SARDH: variants seen among roughly 807,000 people sequenced by gnomAD.
SARDH encodes sarcosine dehydrogenase.
Under a neutral mutation model 109.1 loss-of-function variants are expected in SARDH, and 95 were observed. The ratio of observed to expected loss-of-function variants is 0.87; its 90% confidence interval spans 0.74 to 1.03. SARDH has a LOEUF of 1.03. SARDH is among the 50% of genes least tolerant of loss of function. The pLI, the probability that SARDH is intolerant of heterozygous loss-of-function variation, is 0.00. For synonymous variants in SARDH, 572 were observed against 534.8 expected (o/e 1.07, Z -0.96); for missense variants, 1,267 against 1,287.8 (o/e 0.98, Z 0.25).
downstream of SARDH, chr9:133,659,470 G>A (rs1832382914): frequency 6.6e-6 from 1 of 152,308 alleles, no homozygotes; most frequent in Admixed American, 6.5e-5. Flanking sequence ...TGGCCTGGGT[G>A]GGTCTCCCCT....
Position 133,671,620 on chromosome 9 carries a change from C to A in SARDH, c.2241G>T (p.Val747=). 6.2e-7 allele frequency: 1 copy of A among 1,602,180 alleles called. No homozygotes were observed. The highest frequency in any genetic ancestry group is 1.1e-5 in the South Asian group (1 of 89,078). The change falls in exon 18 of 21, where the codon GTG becomes GTT. Residue 747 remains valine (V), a synonymous_variant. Coordinates refer to ENST00000439388, the MANE Select transcript of SARDH (RefSeq NM_001134707.2). ...LHIPKASCVP[V]YRAVMAAGAK... ...CACCCGCGGCCATCACAGCCCGGTA[C>A]ACAGGCACGCAGGACGCCTTTGGAA...
chr9:133,729,901 C>T (rs1832616088), intron 5 of SARDH, 36 bp from the exon 6 acceptor site: 5 of 1,606,616 alleles, frequency 3.1e-6, no homozygotes, highest in African/African-American at 1.3e-5. Flanking sequence ...GCTCTGCTGA[C>T]ACCTGGTGGG....
Position 133,704,028 on chromosome 9 carries a change from G to A in SARDH, c.1554+920C>T, listed in dbSNP as rs563366441. On this transcript the variant is annotated intron_variant, in intron 12 of 20. Transcript: ENST00000439388. The surrounding 1 kb of genome is among the most constrained non-coding windows in gnomAD (Gnocchi z 4.5). ...GGGCTTCCAGGGCCAGATCTGACTGGAACACAGTGGGTTGCACTTCAAGAC... is the reference window on the plus strand; with the variant it reads ...GGGCTTCCAGGGCCAGATCTGACTGAAACACAGTGGGTTGCACTTCAAGAC... 6.6e-6 allele frequency among the ~76,000 whole-genome samples: 1 copy of A among 152,230 alleles called. No individual in the cohort carries two copies. The highest frequency in any genetic ancestry group is 1.5e-5 in the Non-Finnish European group (1 of 67,996).
chr9:133,664,049 G>A, intron 20 of SARDH, 35 bp from the exon 21 acceptor site: 1 of 1,612,038 alleles, frequency 6.2e-7, no homozygotes, highest in Non-Finnish European at 8.5e-7. Flanking sequence ...ATCACTCTCT[G>A]TTGGTAGGTA....
At chr9:133,713,272 T>G in intron 8 of SARDH, 148 bp from the exon 9 acceptor site, 2 of 644,180 alleles carry the variant, frequency 3.1e-6, no homozygotes, top group Non-Finnish European at 2.7e-6. Context: ...TCAGCGCCAC[T>G]TCCTCATGGG....
At chr9:133,725,769 C>G (rs928451904) in intron 6 of SARDH, 5 of 229,040 alleles carry the variant, frequency 2.2e-5, no homozygotes, top group South Asian at 1.5e-4. Flanking sequence ...AATAAACAAG[C>G]CAAACCAAAC....
chr9:133,712,526 G>T lies in SARDH; in HGVS notation c.1328+93C>A. Reference sequence around the variant, plus strand: ...CTTCCAGGAAGCCACCTGGATTTCAGGCAAGGCTCCTTTCTCAGTAGCCCT... The same window carrying T: ...CTTCCAGGAAGCCACCTGGATTTCATGCAAGGCTCCTTTCTCAGTAGCCCT... On this transcript the variant is annotated intron_variant, in intron 10 of 20. Coordinates refer to ENST00000439388, the MANE Select transcript of SARDH (RefSeq NM_001134707.2). The surrounding 1 kb of genome is among the most constrained non-coding windows in gnomAD (Gnocchi z 4.1). The T allele has an allele frequency of 2.6e-6, 3 of 1,174,994 alleles. No individual in the cohort carries two copies. The highest frequency in any genetic ancestry group is 3.7e-6 in the Non-Finnish European group (3 of 811,472). 72.8% of individuals were successfully genotyped at this position (1,174,994 alleles called of 1,614,324 possible). A position where few individuals can be genotyped will look rare whatever the true frequency, so the allele number is the denominator to read the frequency against.
intron 1 of SARDH, among the ~76,000 whole-genome samples, chr9:133,736,062 C>A (rs866670576): frequency 6.6e-6 from 1 of 150,884 alleles, no homozygotes; most frequent in East Asian, 2.0e-4. Context: ...AAAAAAGATG[C>A]GAAAGAGACA....
At chr9:133,694,509 G>C (rs1368292520) in intron 14 of SARDH, 138 bp from the exon 15 acceptor site, 8 of 744,750 alleles carry the variant, frequency 1.1e-5, no homozygotes, top group Non-Finnish European at 9.2e-6. Context: ...TGCCCTACTG[G>C]GAGGTGACCT....
In SARDH at chr9:133,712,831, G is replaced by T; in HGVS notation, c.1238-122C>A. 9.9e-7 allele frequency: 1 copy of T among 1,006,300 alleles called. No homozygotes were observed. 62.3% of individuals were successfully genotyped at this position (1,006,300 alleles called of 1,614,324 possible). ...TCCAAGCTCTGCTCTCACACCTGGG[G>T]TGCTGCACGCCTCCTGATTGGACTG... On this transcript the variant is annotated intron_variant, in intron 9 of 20. Transcript: ENST00000439388. The surrounding 1 kb of genome is among the most constrained non-coding windows in gnomAD (Gnocchi z 4.1).
intron 1 of SARDH, among the ~76,000 whole-genome samples, chr9:133,734,511 C>T (rs1268603038): frequency 6.6e-6 from 1 of 152,188 alleles, no homozygotes; most frequent in African/African-American, 2.4e-5. Context: ...GCCTGGTATG[C>T]AGCAGGCTCT....
At chr9:133,669,318 ACCCTCCCTCTCCCTCG>A (rs1169295408) in intron 19 of SARDH, among the ~76,000 whole-genome samples, 2 of 45,182 alleles carry the variant, frequency 4.4e-5, no homozygotes, top group Non-Finnish European at 8.4e-5. Flanking sequence ...ATCCTCCCTC[ACCCTCCCTCTCCCTCG>A]TCCTCCCTCT....
At chr9:133,735,604 G>T (rs548598060) in intron 1 of SARDH, among the ~76,000 whole-genome samples, 10 of 152,218 alleles carry the variant, frequency 6.6e-5, no homozygotes, top group Non-Finnish European at 1.3e-4. Context: ...AACTGAGCTC[G>T]TGTTAACTGA....
At position 133,692,636 on chromosome 9, in the gene SARDH, G is replaced by A. The variant is rs114845077; in HGVS notation, c.1921+1622C>T. Reference sequence around the variant, plus strand: ...TTGCATGTCCCCCTCCAGGTGTTACGGGGCCCTTCCTGCCCCCGTCTGGAC... The same window carrying A: ...TTGCATGTCCCCCTCCAGGTGTTACAGGGCCCTTCCTGCCCCCGTCTGGAC... On this transcript the variant is annotated intron_variant, in intron 15 of 20. Coordinates refer to ENST00000439388, the MANE Select transcript of SARDH (RefSeq NM_001134707.2). This position sits in a 1 kb window ranked among gnomAD's most constrained non-coding sequence, Gnocchi z 5.0. Among the ~76,000 whole-genome samples the A allele has an allele frequency of 3.5e-3, 538 of 152,134 alleles. 3 individuals carry two copies. The highest frequency in any genetic ancestry group is 0.012 in the African/African-American group (512 of 41,516).
At position 133,690,640 on chromosome 9, in the gene SARDH, T is replaced by A; in HGVS notation, c.1922-113A>T. ...GAAAACAAATGCCCTCTCAGGGGCC[T>A]GTGCCTTCACAGTGCCCAGGAACCG... is the stretch of plus-strand genomic sequence containing the variant. On this transcript the variant is annotated intron_variant, in intron 15 of 20. Transcript: ENST00000439388. 3 of 1,256,418 alleles carry A rather than the reference T, an allele frequency of 2.4e-6. No individual in the cohort carries two copies. In the South Asian group the frequency reaches 4.1e-5, roughly 17 times the overall value. The allele number at this position is 1,256,418 out of a possible 1,614,324, so 77.8% of individuals were successfully genotyped here.
At chr9:133,726,035 G>A (rs1470974269) in intron 6 of SARDH, among the ~76,000 whole-genome samples, 1 of 152,126 alleles carries the variant, frequency 6.6e-6, no homozygotes, top group South Asian at 2.1e-4. Context: ...CCAGGGGATC[G>A]TTGTCAGGTG....
At chr9:133,724,388 TAGTC>T (rs548222422) in intron 6 of SARDH, among the ~76,000 whole-genome samples, 48 of 152,184 alleles carry the variant, frequency 3.2e-4, no homozygotes, top group Non-Finnish European at 5.9e-4. Context: ...GATACACAAA[TAGTC>T]AGTAAGCACA....
At chr9:133,667,144 A>T in intron 19 of SARDH, 5 of 495,134 alleles carry the variant, frequency 1.0e-5, no homozygotes, top group South Asian at 5.9e-5. Flanking sequence ...AGCCCCGTAT[A>T]TTTGGGAGGG....
At chr9:133,727,732 A>C (rs1832540834) in intron 6 of SARDH, among the ~76,000 whole-genome samples, 1 of 152,176 alleles carries the variant, frequency 6.6e-6, no homozygotes, top group South Asian at 2.1e-4. Context: ...CCGGTACCAG[A>C]GGCACGCTGG....
Sources: allele counts gnomAD v4.1 joint callset (sites outside exome capture counted in the v4.1 genomes callset), GRCh38; gene constraint gnomAD v4.1.1; non-coding constraint Gnocchi (gnomAD v3.1); transcripts MANE v1.5; gene names NCBI Gene and HGNC (gene_info 2026-07-23, HGNC 2026-07-21).